The following PPA2 variants were observed in gnomAD, a reference collection of about 807,000 sequenced individuals.
PPA2 encodes inorganic pyrophosphatase 2, mitochondrial.
In PPA2, 48 loss-of-function variants were observed where a neutral mutation model predicts 49.5. That is an observed-to-expected ratio of 0.97 (90% CI 0.77 to 1.23). The LOEUF is 1.23. Among genes scored for constraint, PPA2 ranks in the 50% most tolerant of loss-of-function variants. The pLI is 0.00. For synonymous variants in PPA2, 131 were observed against 139.9 expected, an observed-to-expected ratio of 0.94 and a Z score of 0.45; for missense variants, 429 against 410.1, an observed-to-expected ratio of 1.05 and a Z score of -0.40.
chr4:105,405,359 A>G, intron 7 of PPA2: 1 of 766,810 alleles, frequency 1.3e-6, no homozygotes, highest in Non-Finnish European at 1.6e-6. Flanking sequence ...AAAGACCCTA[A>G]ATGAATTTGT....
rs143718058 is a variant in PPA2, at chr4:105,424,293, C to T, written c.558G>A (p.Val186=). ...TAAGAGCCAAAATTCCAAGGATCTTCACATGAATAACTTCTCCACAAGAAA... is the reference window on the plus strand; with the variant it reads ...TAAGAGCCAAAATTCCAAGGATCTTTACATGAATAACTTCTCCACAAGAAA... ...KILSCGEVIH[V]KILGILALID... is the part of the protein sequence containing the mutation. The change falls in exon 7 of 12, where the codon GTG becomes GTA. Residue 186 remains valine (V), a synonymous_variant. Transcript: ENST00000341695. The T allele has an allele frequency of 1.5e-4, 242 of 1,601,974 alleles. No homozygotes were observed. Among genetic ancestry groups the T allele is most frequent in the South Asian group, 1.0e-3 (91 of 88,072 alleles).
intron 5 of PPA2, among the ~76,000 whole-genome samples, chr4:105,438,386 G>A (rs1199092336): frequency 2.0e-5 from 3 of 152,102 alleles, no homozygotes; most frequent in South Asian, 2.1e-4. Context: ...CTGTGTTTCC[G>A]CTGACTGCCT....
chr4:105,404,896 A>G (rs1722388689), intron 7 of PPA2, among the ~76,000 whole-genome samples: 1 of 152,126 alleles, frequency 6.6e-6, no homozygotes, highest in South Asian at 2.1e-4. Flanking sequence ...CCTGGCTAAC[A>G]TGGTGAAACC....
At chr4:105,409,279 A>G (rs1378147857) in intron 7 of PPA2, among the ~76,000 whole-genome samples, 2 of 152,216 alleles carry the variant, frequency 1.3e-5, no homozygotes, top group African/African-American at 4.8e-5. Context: ...TCCCACACCC[A>G]CGGAGCCTTG....
At chr4:105,409,768 G>C (rs535487094) in intron 7 of PPA2, among the ~76,000 whole-genome samples, 37 of 152,332 alleles carry the variant, frequency 2.4e-4, no homozygotes, top group African/African-American at 8.7e-4. Context: ...ATACCCAGGC[G>C]AATAGGGTCT....
intron 5 of PPA2, among the ~76,000 whole-genome samples, chr4:105,443,815 G>A (rs960249270): frequency 6.6e-6 from 1 of 151,966 alleles, no homozygotes; most frequent in South Asian, 2.1e-4. Flanking sequence ...TTCCACCTCA[G>A]GACCTTTATA....
rs746079683 is a variant in PPA2, at chr4:105,460,858, C to CATATATATATATATATATATATATAT, written c.158-4114_158-4113insATATATATATATATATATATATATAT. ...CAATACTTATTAAGATGTAAGATCACATATATATATAGTTTTCTAATTGTC... is the reference window on the plus strand; with the variant it reads ...CAATACTTATTAAGATGTAAGATCACATATATATATATATATATATATATATATATATATATAGTTTTCTAATTGTC... On this transcript the variant is annotated intron_variant, in intron 1 of 11. Transcript: ENST00000341695. 9.5e-3 allele frequency among the ~76,000 whole-genome samples: 1,377 copies of CATATATATATATATATATATATATAT among 144,708 alleles called. 34 individuals carry two copies. The highest frequency in any genetic ancestry group is 0.035 in the African/African-American group (1,279 of 36,126). 94.9% of individuals were successfully genotyped at this position (144,708 alleles called of 152,430 possible). A position where few individuals can be genotyped will look rare whatever the true frequency, so the allele number is the denominator to read the frequency against.
At chr4:105,459,066 T>C (rs559992709) in intron 1 of PPA2, among the ~76,000 whole-genome samples, 1 of 152,322 alleles carries the variant, frequency 6.6e-6, no homozygotes, top group South Asian at 2.1e-4. Flanking sequence ...TGAGCAAATA[T>C]CTGTTAGATA....
chr4:105,424,228 T>C lies in PPA2; in HGVS notation c.623A>G (p.Asn208Ser), dbSNP rs1175239959. 6.2e-7 allele frequency: 1 copy of C among 1,609,066 alleles called. No homozygotes were observed. Among genetic ancestry groups the C allele is most frequent in the Non-Finnish European group, 8.5e-7 (1 of 1,178,910 alleles). ...GETDWKLIAI[N>S]ANDPEASKFH... is the part of the protein sequence containing the mutation. ...CTTTGAGGCTTCAGGATCATTCGCA[T>C]TGATAGCAATTAATTTCCAATCTGT... The change falls in exon 7 of 12, where the codon AAT (asparagine) becomes AGT (serine). Residue 208 changes from asparagine (N) to serine (S), a missense_variant. Asn to Ser is a conservative substitution (Grantham distance 46, BLOSUM62 1). Transcript: ENST00000341695.
At chr4:105,429,729 G>A (rs1422353239) in intron 6 of PPA2, among the ~76,000 whole-genome samples, 3 of 152,124 alleles carry the variant, frequency 2.0e-5, no homozygotes, top group African/African-American at 7.2e-5. Context: ...ATATAAACTT[G>A]ATTCCTGCTG....
chr4:105,463,315 C>T (rs1723169737), intron 1 of PPA2, among the ~76,000 whole-genome samples: 1 of 152,094 alleles, frequency 6.6e-6, no homozygotes, highest in Admixed American at 6.5e-5. Context: ...CCCTAGAGAT[C>T]TGTGGAACTT....
At chr4:105,420,791 T>C (rs191005511) in intron 7 of PPA2, among the ~76,000 whole-genome samples, 84 of 152,244 alleles carry the variant, frequency 5.5e-4, no homozygotes, top group Non-Finnish European at 8.5e-4. Flanking sequence ...TAACCAAGCA[T>C]TGAAAAGAAA....
intron 6 of PPA2, among the ~76,000 whole-genome samples, chr4:105,426,537 G>A (rs527799631): frequency 1.3e-5 from 2 of 152,322 alleles, no homozygotes; most frequent in South Asian, 2.1e-4. Context: ...ATCCCCTCCC[G>A]TGCCTGGCTC....
At chr4:105,435,602 T>G (rs1015100752) in intron 6 of PPA2, among the ~76,000 whole-genome samples, 2 of 152,126 alleles carry the variant, frequency 1.3e-5, no homozygotes, top group African/African-American at 4.8e-5. Context: ...AAAAAGATAA[T>G]TCATCATGAT....
At chr4:105,427,858 G>T (rs539159361) in intron 6 of PPA2, among the ~76,000 whole-genome samples, 2 of 152,214 alleles carry the variant, frequency 1.3e-5, no homozygotes, top group Admixed American at 6.5e-5. Context: ...ACGCCACAAA[G>T]ATACTCCTCG....
chr4:105,380,673 C>T (rs1452851473), intron 10 of PPA2, among the ~76,000 whole-genome samples: 6 of 151,980 alleles, frequency 3.9e-5, no homozygotes, highest in African/African-American at 1.4e-4. Context: ...AACTTCTGGC[C>T]ACCGTGCTGA....
At chr4:105,388,508 C>T (rs182034520) in intron 9 of PPA2, among the ~76,000 whole-genome samples, 1,669 of 152,198 alleles carry the variant, frequency 0.011, 14 homozygotes, top group Non-Finnish European at 0.018. Flanking sequence ...AGTAAATTGA[C>T]TCTGCTATTT....
chr4:105,370,943 T>A, intron 10 of PPA2, 70 bp from the exon 11 acceptor site: 1 of 1,360,796 alleles, frequency 7.3e-7, no homozygotes, highest in Non-Finnish European at 9.6e-7. Flanking sequence ...CATCCAGAAG[T>A]TTTTTCACGA....
chr4:105,464,766 C>T (rs899370333), intron 1 of PPA2, among the ~76,000 whole-genome samples: 55 of 152,158 alleles, frequency 3.6e-4, no homozygotes, highest in African/African-American at 1.3e-3. Context: ...TCACCTTCGG[C>T]CATGATTGTG....
Sources: allele counts gnomAD v4.1 joint callset (sites outside exome capture counted in the v4.1 genomes callset), GRCh38; gene constraint gnomAD v4.1.1; transcripts MANE v1.5; gene names NCBI Gene and HGNC (gene_info 2026-07-23, HGNC 2026-07-21).